PRKAR2A: variants seen among roughly 807,000 people sequenced by gnomAD.
The protein encoded by PRKAR2A is protein kinase cAMP-dependent type II regulatory subunit alpha.
A neutral mutation model predicts 51.9 loss-of-function variants in PRKAR2A; 29 were observed. The ratio of observed to expected loss-of-function variants is 0.56; its 90% CI spans 0.42 to 0.76. PRKAR2A has a LOEUF of 0.76. Ranked by LOEUF, PRKAR2A falls within the 30% of genes least tolerant of loss-of-function variation. PRKAR2A has a pLI of 0.00. For synonymous variants in PRKAR2A, 178 were observed against 186.2 expected, an observed-to-expected ratio of 0.96 and a Z score of 0.36; for missense variants, 445 against 512.1, an observed-to-expected ratio of 0.87 and a Z score of 1.26.
At chr3:48,829,872 T>TATATATATATATA (rs1491401730) in intron 1 of PRKAR2A, among the ~76,000 whole-genome samples, 59 of 59,678 alleles carry the variant, frequency 9.9e-4, no homozygotes, top group African/African-American at 1.6e-3. Context: ...TATATATATA[T>TATATATATATATA]TTTTTTTTTT....
chr3:48,756,168 CA>C (rs1386913096), intron 9 of PRKAR2A, among the ~76,000 whole-genome samples: 1 of 152,152 alleles, frequency 6.6e-6, no homozygotes, highest in African/African-American at 2.4e-5. Context: ...ACAGCAGAGG[CA>C]AAGGGAGCAA....
At chr3:48,770,909 C>T (rs531619064) in intron 6 of PRKAR2A, among the ~76,000 whole-genome samples, 7 of 152,304 alleles carry the variant, frequency 4.6e-5, no homozygotes, top group South Asian at 2.1e-4. Context: ...TTCATTGAGA[C>T]TTGGTCTTAG....
chr3:48,777,231 C>T (rs1390470605), intron 5 of PRKAR2A, among the ~76,000 whole-genome samples: 1 of 152,062 alleles, frequency 6.6e-6, no homozygotes, highest in Non-Finnish European at 1.5e-5. Flanking sequence ...TAAAAAGGCT[C>T]TATATGTGAG....
At chr3:48,753,392 C>T (rs2081697036) in intron 9 of PRKAR2A, among the ~76,000 whole-genome samples, 1 of 151,676 alleles carries the variant, frequency 6.6e-6, no homozygotes, top group Non-Finnish European at 1.5e-5. Context: ...TCTCTAAGAA[C>T]CACTTTATGT....
chr3:48,803,575 C>T (rs2082624916), intron 2 of PRKAR2A, among the ~76,000 whole-genome samples: 1 of 152,208 alleles, frequency 6.6e-6, no homozygotes, highest in Non-Finnish European at 1.5e-5. Context: ...CAGGCACCTG[C>T]CACCACACCC....
At chr3:48,774,271 T>C (rs1483827008) in intron 5 of PRKAR2A, among the ~76,000 whole-genome samples, 1 of 152,204 alleles carries the variant, frequency 6.6e-6, no homozygotes, top group Non-Finnish European at 1.5e-5. Context: ...ATGTCCTTTC[T>C]ATGTGTCAGT....
chr3:48,818,831 G>A (rs1012648929), intron 1 of PRKAR2A, among the ~76,000 whole-genome samples: 11 of 152,144 alleles, frequency 7.2e-5, no homozygotes, highest in East Asian at 1.9e-4. Context: ...CAAATGACCC[G>A]AGGGCAGACT....
At chr3:48,787,342 A>C (rs570265586) in intron 4 of PRKAR2A, among the ~76,000 whole-genome samples, 14 of 151,878 alleles carry the variant, frequency 9.2e-5, no homozygotes, top group African/African-American at 3.1e-4. Flanking sequence ...CCTGCCACCA[A>C]GCCTGGCTAA....
intron 1 of PRKAR2A, among the ~76,000 whole-genome samples, chr3:48,836,638 C>G (rs985072488): frequency 6.6e-6 from 1 of 151,442 alleles, no homozygotes; most frequent in Non-Finnish European, 1.5e-5. Flanking sequence ...AAAGACACAT[C>G]CGATTTCATC....
chr3:48,775,438 A>AAAAC (rs536713204), intron 5 of PRKAR2A, among the ~76,000 whole-genome samples: 80 of 151,516 alleles, frequency 5.3e-4, no homozygotes, highest in Middle Eastern at 3.4e-3. Flanking sequence ...GCTCTGTCTC[A>AAAAC]AAACAAACAA....
At chr3:48,821,269 C>A (rs1264346015) in intron 1 of PRKAR2A, among the ~76,000 whole-genome samples, 1 of 152,162 alleles carries the variant, frequency 6.6e-6, no homozygotes, top group Non-Finnish European at 1.5e-5. Context: ...CACCAGCTAT[C>A]CAGACCTAAA....
At chr3:48,803,067 G>A (rs572710018) in intron 2 of PRKAR2A, among the ~76,000 whole-genome samples, 2 of 152,246 alleles carry the variant, frequency 1.3e-5, no homozygotes, top group Admixed American at 1.3e-4. Flanking sequence ...TGAGGAAGGA[G>A]GTATAGGAGG....
At chr3:48,811,442 T>C (rs1436668750) in intron 1 of PRKAR2A, among the ~76,000 whole-genome samples, 1 of 152,206 alleles carries the variant, frequency 6.6e-6, no homozygotes, top group African/African-American at 2.4e-5. Flanking sequence ...GGCACTGCAC[T>C]CTAGCCTGGG....
chr3:48,771,643 A>G (rs1458649030), intron 6 of PRKAR2A, among the ~76,000 whole-genome samples: 2 of 152,104 alleles, frequency 1.3e-5, no homozygotes, highest in African/African-American at 4.8e-5. Flanking sequence ...GGTAGGTCTC[A>G]AATTCCTGGA....
At chr3:48,769,294 G>A (rs1197303152) in intron 6 of PRKAR2A, among the ~76,000 whole-genome samples, 7 of 151,050 alleles carry the variant, frequency 4.6e-5, no homozygotes, top group African/African-American at 1.7e-4. Context: ...AGTAGCTGGG[G>A]CTACAGGCGC....
chr3:48,780,081 C>T (rs933177543), intron 5 of PRKAR2A, among the ~76,000 whole-genome samples: 1 of 151,522 alleles, frequency 6.6e-6, no homozygotes, highest in African/African-American at 2.4e-5. Flanking sequence ...ATCACTTGAG[C>T]CTGGGAGGCG....
At chr3:48,844,647 CTATGCA>C (rs1378841325) in intron 1 of PRKAR2A, among the ~76,000 whole-genome samples, 1 of 148,698 alleles carries the variant, frequency 6.7e-6, no homozygotes, top group East Asian at 2.0e-4. Flanking sequence ...CCATGGAATA[CTATGCA>C]GCCATAAAAA....
intron 9 of PRKAR2A, among the ~76,000 whole-genome samples, chr3:48,754,895 C>T (rs1438272713): frequency 7.1e-6 from 1 of 140,636 alleles, no homozygotes; most frequent in Non-Finnish European, 1.5e-5. Context: ...CCAGCCTGGG[C>T]AACAGAGCAA....
chr3:48,760,147 A>G (rs1024452543), intron 8 of PRKAR2A, among the ~76,000 whole-genome samples: 2 of 152,172 alleles, frequency 1.3e-5, no homozygotes, highest in African/African-American at 4.8e-5. Flanking sequence ...TGAGGTCAGA[A>G]GCTTGAGACC....
Sources: allele counts gnomAD v4.1 joint callset (sites outside exome capture counted in the v4.1 genomes callset), GRCh38; gene constraint gnomAD v4.1.1; transcripts MANE v1.5; gene names NCBI Gene and HGNC (gene_info 2026-07-23, HGNC 2026-07-21).